Variants in DIAPH3 observed in about 807,000 individuals in gnomAD.
DIAPH3 encodes diaphanous related formin 3, also known as protein diaphanous homolog 3.
Under a neutral mutation model 144.3 loss-of-function variants are expected in DIAPH3, and 117 were observed. The ratio of observed to expected loss-of-function variants is 0.81; its 90% CI spans 0.70 to 0.95. The LOEUF is 0.95. Ranked by LOEUF, DIAPH3 falls within the 40% of genes least tolerant of loss-of-function variation. The probability of loss-of-function intolerance (pLI) is 0.00; values close to 1 mark genes in which losing one functional copy is unlikely to be tolerated. For missense variants in DIAPH3, 1,421 were observed against 1,412.7 expected (o/e 1.01, Z -0.09); for synonymous variants, 519 against 488.9 (o/e 1.06, Z -0.81).
chr13:59,858,013 CATA>C (rs1283902178), intron 22 of DIAPH3, among the ~76,000 whole-genome samples: 1 of 152,082 alleles, frequency 6.6e-6, no homozygotes, highest in Admixed American at 6.6e-5. Flanking sequence ...CATTTTGTGG[CATA>C]ATATGATTCT....
At chr13:59,997,767 G>T (rs1420926973) in intron 9 of DIAPH3, among the ~76,000 whole-genome samples, 1 of 152,090 alleles carries the variant, frequency 6.6e-6, no homozygotes, top group Non-Finnish European at 1.5e-5. Flanking sequence ...AATAGCAAAA[G>T]TAAGTAGTTC....
At position 59,845,933 on chromosome 13, in the gene DIAPH3, T is replaced by G. The variant is rs145353115; in HGVS notation, c.2738-6485A>C. Among the ~76,000 whole-genome samples the G allele has an allele frequency of 2.5e-3, 374 of 152,352 alleles. 1 individual carries two copies. Among genetic ancestry groups the G allele is most frequent in the African/African-American group, 8.5e-3 (353 of 41,592 alleles). On this transcript the variant is annotated intron_variant, in intron 22 of 27. Transcript: ENST00000400324. The stretch of plus-strand genomic sequence containing the variant: ...GATACCCAAATGTTTGCTGAAGGAA[T>G]GGGTTTTGGATTTAACTTTAACCTC...
intron 24 of DIAPH3, among the ~76,000 whole-genome samples, chr13:59,823,687 A>C (rs1442973608): frequency 2.6e-5 from 4 of 152,178 alleles, no homozygotes; most frequent in African/African-American, 9.7e-5. Flanking sequence ...TAGTGTTTTG[A>C]CATTCCTTTT....
chr13:60,108,340 G>A (rs1207863636), intron 3 of DIAPH3, among the ~76,000 whole-genome samples: 1 of 152,148 alleles, frequency 6.6e-6, no homozygotes, highest in Admixed American at 6.5e-5. Flanking sequence ...CAGGCACGGT[G>A]GCTCACATCT....
chr13:59,747,788 G>A (rs2036780965), intron 27 of DIAPH3, among the ~76,000 whole-genome samples: 1 of 152,182 alleles, frequency 6.6e-6, no homozygotes, highest in South Asian at 2.1e-4. Context: ...CTGTCCTGCT[G>A]TCCACACAAG....
intron 27 of DIAPH3, among the ~76,000 whole-genome samples, chr13:59,722,519 C>T (rs1362464085): frequency 6.6e-6 from 1 of 152,120 alleles, no homozygotes; most frequent in Non-Finnish European, 1.5e-5. Context: ...AGGTGGAGGC[C>T]ACGTTTTTGT....
intron 23 of DIAPH3, among the ~76,000 whole-genome samples, chr13:59,836,739 A>T (rs2042062392): frequency 6.6e-6 from 1 of 151,972 alleles, no homozygotes; most frequent in Admixed American, 6.6e-5. Context: ...TTGTTAACAA[A>T]TTTAAAAATA....
intron 27 of DIAPH3, among the ~76,000 whole-genome samples, chr13:59,732,764 A>G (rs1847391691): frequency 2.0e-5 from 3 of 152,080 alleles, no homozygotes; most frequent in Admixed American, 6.6e-5. Flanking sequence ...AGATATATAT[A>G]TATCTGATGA....
intron 27 of DIAPH3, among the ~76,000 whole-genome samples, chr13:59,673,498 C>A (rs1455572330): frequency 6.6e-6 from 1 of 152,098 alleles, no homozygotes; most frequent in African/African-American, 2.4e-5. Context: ...ATGTTGGGCC[C>A]CTCAGATGAA....
chr13:59,732,667 T>C (rs1040535525), intron 27 of DIAPH3, among the ~76,000 whole-genome samples: 2 of 152,068 alleles, frequency 1.3e-5, no homozygotes, highest in African/African-American at 4.8e-5. Context: ...AATCTCAAAC[T>C]GCTAGACTCA....
intron 27 of DIAPH3, among the ~76,000 whole-genome samples, chr13:59,678,290 AT>A (rs1369696113): frequency 2.6e-5 from 4 of 152,142 alleles, no homozygotes; most frequent in Non-Finnish European, 5.9e-5. Context: ...TATTTCTAAA[AT>A]TTTAGTTTCA....
intron 27 of DIAPH3, among the ~76,000 whole-genome samples, chr13:59,705,772 T>C (rs995496347): frequency 1.3e-5 from 2 of 152,180 alleles, no homozygotes; most frequent in Admixed American, 1.3e-4. Flanking sequence ...ATTGGGAATA[T>C]AGGGAAATAT....
intron 24 of DIAPH3, among the ~76,000 whole-genome samples, chr13:59,823,701 G>C (rs2041206370): frequency 6.6e-6 from 1 of 152,128 alleles, no homozygotes; most frequent in Admixed American, 6.6e-5. Context: ...TCCTTTTGAT[G>C]ATCTAGTTGG....
chr13:60,022,601 T>C (rs894438976), intron 5 of DIAPH3, among the ~76,000 whole-genome samples: 1 of 152,190 alleles, frequency 6.6e-6, no homozygotes, highest in African/African-American at 2.4e-5. Flanking sequence ...CTGCCAATCC[T>C]TCCAGTCATC....
chr13:59,668,243 G>T (rs1036999977), intron 27 of DIAPH3, among the ~76,000 whole-genome samples: 1 of 152,112 alleles, frequency 6.6e-6, no homozygotes, highest in Non-Finnish European at 1.5e-5. Flanking sequence ...CAGTTCCTAT[G>T]ACCACATCCT....
At chr13:59,960,244 A>C (rs1398054425) in intron 17 of DIAPH3, among the ~76,000 whole-genome samples, 1 of 152,216 alleles carries the variant, frequency 6.6e-6, no homozygotes, top group African/African-American at 2.4e-5. Context: ...TAAGCTAAAA[A>C]CTAAAGACAT....
At chr13:59,943,166 A>T (rs895948566) in intron 17 of DIAPH3, among the ~76,000 whole-genome samples, 2 of 152,142 alleles carry the variant, frequency 1.3e-5, no homozygotes, top group South Asian at 2.1e-4. Flanking sequence ...TCTGGTTTTT[A>T]AAAAAAGTTT....
chr13:59,752,075 C>T (rs2037034936), intron 27 of DIAPH3, among the ~76,000 whole-genome samples: 1 of 152,202 alleles, frequency 6.6e-6, no homozygotes, highest in Admixed American at 6.5e-5. Flanking sequence ...AGAGTACAGT[C>T]TCTTTCCCAG....
At chr13:60,131,270 A>C (rs2059129675) in intron 2 of DIAPH3, among the ~76,000 whole-genome samples, 1 of 151,516 alleles carries the variant, frequency 6.6e-6, no homozygotes, top group Admixed American at 6.6e-5. Flanking sequence ...CTCTCCAAAA[A>C]ATTAAAAACT....
Sources: allele counts gnomAD v4.1 joint callset (sites outside exome capture counted in the v4.1 genomes callset), GRCh38; gene constraint gnomAD v4.1.1; transcripts MANE v1.5; gene names NCBI Gene and HGNC (gene_info 2026-07-23, HGNC 2026-07-21).